AGTPBP1: variants seen among roughly 807,000 people sequenced by gnomAD.
AGTPBP1 encodes ATP/GTP binding carboxypeptidase 1, also known as cytosolic carboxypeptidase 1.
AGTPBP1 carries 70 observed loss-of-function variants against 143.9 expected under a neutral mutation model. That is an observed-to-expected ratio of 0.49 (90% CI 0.40 to 0.59). The LOEUF (loss-of-function observed/expected upper bound fraction) is 0.59, where lower values mean the gene tolerates loss of function less well. Ranked by LOEUF, AGTPBP1 falls within the 20% of genes least tolerant of loss-of-function variation. AGTPBP1 has a pLI of 0.00. For missense variants in AGTPBP1, 1,229 were observed against 1,464.5 expected, an observed-to-expected ratio of 0.84 and a Z score of 2.62; for synonymous variants, 463 against 500.2, an observed-to-expected ratio of 0.93 and a Z score of 0.99.
chr9:85,728,245 T>C (rs1037272135), intron 1 of AGTPBP1, among the ~76,000 whole-genome samples: 9 of 152,118 alleles, frequency 5.9e-5, no homozygotes, highest in Non-Finnish European at 1.2e-4. Context: ...AAGTAAATAG[T>C]ATTTCCCTTT....
rs1400118591 is a variant in AGTPBP1 at position 85,566,151 on chromosome 9, A to C, written c.3503+9164T>G. 2.0e-5 allele frequency among the ~76,000 whole-genome samples: 3 copies of C among 152,296 alleles called. No individual in the cohort carries two copies. In the East Asian group the frequency reaches 5.8e-4, roughly 29 times the overall value. The stretch of plus-strand genomic sequence containing the variant: ...AGGGCACAGATATAGTCTCTGCACT[A>C]AAGGGCACAGATATAGTCTCTGGGG... On this transcript the variant is annotated intron_variant, in intron 25 of 25. Transcript: ENST00000357081.
the AGTPBP1 span, among the ~76,000 whole-genome samples, chr9:85,779,485 G>A: frequency 1.4e-4 from 22 of 152,054 alleles, no homozygotes; most frequent in Middle Eastern, 3.4e-3. Context: ...GGTCAGTCTC[G>A]CCTTTTTCTG....
intron 1 of AGTPBP1, among the ~76,000 whole-genome samples, chr9:85,737,922 G>C (rs1434224190): frequency 6.6e-6 from 1 of 152,112 alleles, no homozygotes; most frequent in Non-Finnish European, 1.5e-5. Flanking sequence ...TTCTCCATAT[G>C]TATTTCAACC....
chr9:85,802,412 C>G, the AGTPBP1 span, among the ~76,000 whole-genome samples: 1 of 152,154 alleles, frequency 6.6e-6, no homozygotes. Flanking sequence ...AGTGCCTGCA[C>G]ATGAGCAACT....
intron 14 of AGTPBP1, among the ~76,000 whole-genome samples, chr9:85,625,261 A>G (rs1454365324): frequency 2.6e-5 from 4 of 152,264 alleles, no homozygotes; most frequent in Admixed American, 1.3e-4. Context: ...CTCAACTGAC[A>G]TTCCCTCAAT....
chr9:85,787,411 T>C, the AGTPBP1 span, among the ~76,000 whole-genome samples: 20 of 152,192 alleles, frequency 1.3e-4, no homozygotes, highest in Non-Finnish European at 2.5e-4. Context: ...TCTGTAAAGC[T>C]TGAAGTCTTG....
intron 3 of AGTPBP1, among the ~76,000 whole-genome samples, chr9:85,691,155 T>C (rs1390010462): frequency 6.6e-6 from 1 of 152,190 alleles, no homozygotes; most frequent in African/African-American, 2.4e-5. Context: ...GTTGCCTTAG[T>C]TGATAAGTAC....
chr9:85,788,383 C>T, the AGTPBP1 span, among the ~76,000 whole-genome samples: 24 of 148,830 alleles, frequency 1.6e-4, no homozygotes, highest in Admixed American at 1.6e-3. Context: ...AATGCACTGA[C>T]CTTTTGCCAT....
chr9:85,729,845 C>T (rs1387233512), intron 1 of AGTPBP1, among the ~76,000 whole-genome samples: 1 of 152,146 alleles, frequency 6.6e-6, no homozygotes, highest in Admixed American at 6.5e-5. Flanking sequence ...CACCTCACAC[C>T]TGTTAGGATG....
chr9:85,771,016 A>G, the AGTPBP1 span, among the ~76,000 whole-genome samples: 144 of 152,326 alleles, frequency 9.5e-4, no homozygotes, highest in African/African-American at 3.2e-3. Flanking sequence ...TTTTTTACAG[A>G]TTAGTCAATT....
the AGTPBP1 span, among the ~76,000 whole-genome samples, chr9:85,777,691 G>A: frequency 6.6e-6 from 1 of 152,200 alleles, no homozygotes; most frequent in Non-Finnish European, 1.5e-5. Context: ...ACTCAGAGAG[G>A]TCCATCCACA....
intron 25 of AGTPBP1, among the ~76,000 whole-genome samples, chr9:85,563,149 G>C (rs1233124923): frequency 6.6e-6 from 1 of 152,184 alleles, no homozygotes; most frequent in Admixed American, 6.5e-5. Flanking sequence ...TGTCACAGTA[G>C]CTCAAACAGA....
chr9:85,802,883 C>A, the AGTPBP1 span, among the ~76,000 whole-genome samples: 2 of 152,222 alleles, frequency 1.3e-5, no homozygotes, highest in African/African-American at 4.8e-5. Context: ...AAGTAAACGC[C>A]TTGGCCTGAC....
At chr9:85,694,925 G>C (rs992747807) in intron 2 of AGTPBP1, among the ~76,000 whole-genome samples, 1 of 151,872 alleles carries the variant, frequency 6.6e-6, no homozygotes, top group Non-Finnish European at 1.5e-5. Context: ...TAAATATCTA[G>C]ACTCCCTTTT....
chr9:85,624,217 A>G (rs1831129148), intron 14 of AGTPBP1, among the ~76,000 whole-genome samples: 1 of 152,208 alleles, frequency 6.6e-6, no homozygotes, highest in South Asian at 2.1e-4. Context: ...TGCTAGAAAG[A>G]AGATTCAAGA....
chr9:85,691,281 T>C (rs1030803266), intron 3 of AGTPBP1, among the ~76,000 whole-genome samples: 2 of 152,088 alleles, frequency 1.3e-5, no homozygotes, highest in Non-Finnish European at 2.9e-5. Flanking sequence ...ATGCATGGGC[T>C]ACATGGGAGG....
intron 6 of AGTPBP1, 63 bp from the exon 7 acceptor site, chr9:85,672,744 T>C: frequency 7.2e-7 from 1 of 1,384,674 alleles, no homozygotes; most frequent in Non-Finnish European, 9.7e-7. Context: ...TTTTTTTTTT[T>C]TTTTTTTTGA....
chr9:85,718,244 A>G (rs528910306), intron 1 of AGTPBP1, among the ~76,000 whole-genome samples: 2 of 152,334 alleles, frequency 1.3e-5, no homozygotes, highest in South Asian at 4.1e-4. Context: ...AGGAATTGCC[A>G]CACTGTCTTC....
chr9:85,666,708 A>G (rs900749337), intron 8 of AGTPBP1, among the ~76,000 whole-genome samples: 3 of 152,088 alleles, frequency 2.0e-5, no homozygotes, highest in Non-Finnish European at 2.9e-5. Flanking sequence ...GAAACATTTT[A>G]TATTAGATTT....
Sources: gnomAD v4.1 joint callset for allele counts (sites outside exome capture counted in the v4.1 genomes callset) on GRCh38, gnomAD v4.1.1 for gene constraint, MANE v1.5 for transcripts, NCBI Gene and HGNC (gene_info 2026-07-23, HGNC 2026-07-21) for gene names.